The following CNTNAP4 variants were observed in gnomAD, a reference collection of about 807,000 sequenced individuals.
CNTNAP4 encodes contactin-associated protein-like 4.
CNTNAP4 carries 98 observed loss-of-function variants against 148.4 expected under a neutral mutation model. The ratio of observed to expected loss-of-function variants is 0.66; its 90% CI spans 0.56 to 0.78. The LOEUF is 0.78. Among genes scored for constraint, CNTNAP4 ranks in the 30% least tolerant of loss-of-function variants. CNTNAP4 has a pLI of 0.00. For synonymous variants in CNTNAP4, 730 were observed against 565.1 expected (o/e 1.29, Z -4.14); for missense variants, 1,935 against 1,565.6 (o/e 1.24, Z -3.98).
At chr16:76,295,187 T>C (rs1045960053) in intron 1 of CNTNAP4, among the ~76,000 whole-genome samples, 2 of 152,136 alleles carry the variant, frequency 1.3e-5, no homozygotes, top group African/African-American at 4.8e-5. Context: ...GAAAGGTGTT[T>C]ACTGAAGGAT....
intron 1 of CNTNAP4, among the ~76,000 whole-genome samples, chr16:76,294,260 C>T (rs760330588): frequency 6.6e-6 from 1 of 152,258 alleles, no homozygotes; most frequent in Non-Finnish European, 1.5e-5. Flanking sequence ...AGACTGTGAT[C>T]CATACTACAC....
intron 3 of CNTNAP4, among the ~76,000 whole-genome samples, chr16:76,376,196 A>C (rs1414010653): frequency 6.6e-6 from 1 of 152,196 alleles, no homozygotes; most frequent in African/African-American, 2.4e-5. Context: ...AATGCAAAAA[A>C]AATACAACTC....
intron 2 of CNTNAP4, among the ~76,000 whole-genome samples, chr16:76,326,272 G>A (rs891170381): frequency 6.6e-6 from 1 of 152,160 alleles, no homozygotes; most frequent in Non-Finnish European, 1.5e-5. Context: ...CTCTGCCTCA[G>A]AATGAGAATG....
Position 76,374,878 on chromosome 16 carries a change from C to T in CNTNAP4, c.390+19367C>T, listed in dbSNP as rs1344209185. Among the ~76,000 whole-genome samples, 6 of 151,800 alleles carry T rather than the reference C, an allele frequency of 4.0e-5. No individual in the cohort carries two copies. In the East Asian group the frequency reaches 7.8e-4, roughly 20 times the overall value. ...CTGCCTCCTGGGTTCAAATGATTCT[C>T]CTGCCTCTGCCTCTCAAGTAGCTGG... On this transcript the variant is annotated intron_variant, in intron 3 of 23. Transcript: ENST00000611870.
intron 2 of CNTNAP4, among the ~76,000 whole-genome samples, chr16:76,349,874 C>T (rs1254560283): frequency 6.6e-6 from 1 of 151,984 alleles, no homozygotes; most frequent in South Asian, 2.1e-4. Context: ...GTTGATACGT[C>T]GCCTTTACTG....
intron 3 of CNTNAP4, among the ~76,000 whole-genome samples, chr16:76,397,941 TATACATATATATATATATATATA>T (rs2078263026): frequency 2.1e-3 from 4 of 1,928 alleles, no homozygotes; most frequent in South Asian, 0.024. Flanking sequence ...TAATAGATTA[TATACATATATATATATATATATA>T]TATATATATA....
At chr16:76,463,480 A>G (rs77064370) in intron 9 of CNTNAP4, among the ~76,000 whole-genome samples, 4,607 of 152,278 alleles carry the variant, frequency 0.03, 173 homozygotes, top group East Asian at 0.15. Flanking sequence ...TTATAGTAAA[A>G]TATATCACAC....
intron 3 of CNTNAP4, among the ~76,000 whole-genome samples, chr16:76,420,587 G>A (rs528395669): frequency 8.4e-4 from 127 of 151,932 alleles, no homozygotes; most frequent in African/African-American, 3.0e-3. Context: ...AAAAGCCTAT[G>A]GAAGCCTGTA....
chr16:76,480,634 A>C lies in CNTNAP4; in HGVS notation c.1882+1096A>C, dbSNP rs969417322. On this transcript the variant is annotated intron_variant, in intron 12 of 23. Transcript: ENST00000611870. ...GCGCTTGCAGTCCCAGCTACTCAGG[A>C]GGCTGAGGCAAGAAAACTGCTTGAA... 2.0e-5 allele frequency among the ~76,000 whole-genome samples: 3 copies of C among 152,106 alleles called. No individual in the cohort carries two copies. The South Asian group carries it at 6.2e-4, about 32-fold the overall frequency.
intron 1 of CNTNAP4, among the ~76,000 whole-genome samples, chr16:76,310,285 G>C (rs891710708): frequency 1.3e-5 from 2 of 152,078 alleles, no homozygotes; most frequent in African/African-American, 4.8e-5. Flanking sequence ...TGGGTTTATG[G>C]TTACAGTACA....
chr16:76,289,109 C>G (rs890106104), intron 1 of CNTNAP4, among the ~76,000 whole-genome samples: 13 of 152,178 alleles, frequency 8.5e-5, no homozygotes, highest in Middle Eastern at 6.8e-3. Flanking sequence ...TGATAGGCCA[C>G]TACATCAAAT....
At chr16:76,461,834 T>C (rs368909926) in intron 8 of CNTNAP4, 122 bp from the exon 9 acceptor site, 1 of 749,478 alleles carries the variant, frequency 1.3e-6, no homozygotes, top group East Asian at 2.7e-5. Context: ...ATGTCATTGT[T>C]TTTAATTAAT....
intron 3 of CNTNAP4, among the ~76,000 whole-genome samples, chr16:76,415,805 T>C (rs1307487419): frequency 6.6e-6 from 1 of 151,304 alleles, no homozygotes; most frequent in Non-Finnish European, 1.5e-5. Context: ...AATCATCTTG[T>C]GTTCACTTTT....
intron 7 of CNTNAP4, among the ~76,000 whole-genome samples, chr16:76,451,494 T>G (rs1442439246): frequency 2.0e-5 from 3 of 152,134 alleles, no homozygotes; most frequent in East Asian, 1.9e-4. Context: ...TCTAATTATG[T>G]GAATTGGTGG....
chr16:76,285,406 G>A (rs926445230), intron 1 of CNTNAP4, among the ~76,000 whole-genome samples: 1 of 152,012 alleles, frequency 6.6e-6, no homozygotes, highest in Non-Finnish European at 1.5e-5. Flanking sequence ...GAGCAGTGAT[G>A]AAATTTATCT....
intron 3 of CNTNAP4, among the ~76,000 whole-genome samples, chr16:76,415,845 T>G (rs918138154): frequency 6.6e-6 from 1 of 151,370 alleles, no homozygotes; most frequent in African/African-American, 2.4e-5. Flanking sequence ...CTACAAAATA[T>G]TTTTTTAATT....
chr16:76,385,265 T>A (rs1159066406), intron 3 of CNTNAP4, among the ~76,000 whole-genome samples: 1 of 152,208 alleles, frequency 6.6e-6, no homozygotes, highest in Middle Eastern at 3.2e-3. Flanking sequence ...TTTTATAAAG[T>A]TTCCATGGAC....
At chr16:76,536,061 T>C (rs1017895795) in intron 18 of CNTNAP4, among the ~76,000 whole-genome samples, 2 of 152,220 alleles carry the variant, frequency 1.3e-5, no homozygotes, top group South Asian at 4.1e-4. Flanking sequence ...AATAGTCACC[T>C]TTATGTATTA....
Position 76,559,361 on chromosome 16 carries a change from G to C in CNTNAP4, c.*678G>C, listed in dbSNP as rs1311735609. The C allele has an allele frequency of 1.3e-5, 2 of 152,058 alleles. No homozygotes were observed. Among genetic ancestry groups the C allele is most frequent in the African/African-American group, 4.8e-5 (2 of 41,408 alleles). The allele number at this position is 152,058 out of a possible 1,614,324, so 9.4% of individuals were successfully genotyped here. ...TGAACATACAAGTTGTATTTAACAA[G>C]ACTCAGAAAGTGCAGTGGTTGTTAG... On this transcript the variant is annotated 3_prime_UTR_variant, in exon 24 of 24. Transcript: ENST00000611870.
Sources: allele counts gnomAD v4.1 joint callset (sites outside exome capture counted in the v4.1 genomes callset), GRCh38; gene constraint gnomAD v4.1.1; transcripts MANE v1.5; gene names NCBI Gene and HGNC (gene_info 2026-07-23, HGNC 2026-07-21).